DYSF: variants seen among roughly 807,000 people sequenced by gnomAD.
DYSF encodes the protein dysferlin, also known as dystrophy-associated fer-1-like 1.
DYSF carries 212 observed loss-of-function variants against 274.9 expected under a neutral mutation model. The observed-to-expected ratio is 0.77, with a 90% confidence interval of 0.69 to 0.86. The LOEUF (loss-of-function observed/expected upper bound fraction) is 0.86, where lower values mean the gene tolerates loss of function less well. Ranked by LOEUF, DYSF falls within the 40% of genes least tolerant of loss-of-function variation. DYSF has a pLI of 0.00. For missense variants in DYSF, 2,666 were observed against 2,783.2 expected (o/e 0.96, Z 0.95); for synonymous variants, 1,091 against 1,078.7 (o/e 1.01, Z -0.22).
chr2:71,635,842 C>G (rs2094394443), intron 41 of DYSF, among the ~76,000 whole-genome samples: 1 of 151,322 alleles, frequency 6.6e-6, no homozygotes, highest in African/African-American at 2.4e-5. Context: ...AATATTAATA[C>G]CCACGTAAAA....
At chr2:71,686,183 G>T (rs2152976187) in intron 55 of DYSF, among the ~76,000 whole-genome samples, 1 of 152,338 alleles carries the variant, frequency 6.6e-6, no homozygotes, top group East Asian at 1.9e-4. Context: ...CCCCCAGGTG[G>T]GAGGGTGCGG....
intron 13 of DYSF, 79 bp downstream of exon 13, chr2:71,526,425 C>A (rs1214282499): frequency 8.3e-6 from 3 of 360,034 alleles, no homozygotes; most frequent in Admixed American, 3.5e-5. Flanking sequence ...CGATGGCGGG[C>A]GGGGTCAGCT....
intron 51 of DYSF, among the ~76,000 whole-genome samples, chr2:71,672,469 G>C (rs2095142809): frequency 6.6e-6 from 1 of 152,188 alleles, no homozygotes; most frequent in Non-Finnish European, 1.5e-5. Context: ...AAAGTACAAG[G>C]TCTCCTTTCA....
At chr2:71,534,832 T>C (rs114315703) in intron 14 of DYSF, among the ~76,000 whole-genome samples, 189 bp from the exon 15 acceptor site, 2 of 152,250 alleles carry the variant, frequency 1.3e-5, no homozygotes, top group Non-Finnish European at 2.9e-5. Flanking sequence ...TGACCTTCCA[T>C]TGAGCTTTGT....
intron 55 of DYSF, among the ~76,000 whole-genome samples, chr2:71,684,692 TAGAAAC>T (rs2095335038): frequency 1.3e-5 from 2 of 152,160 alleles, no homozygotes; most frequent in Non-Finnish European, 2.9e-5. Flanking sequence ...GGGAACTCAC[TAGAAAC>T]TCAGAGTCCC....
rs1168378406 is a variant in DYSF, at chr2:71,611,705, T to C, written c.4221+79T>C. Reference sequence around the variant, plus strand: ...ACATGTCCCCGAGCAGCCTGGGGCTTGTGCTCCAATTCCCTGCGGGATCCA... The same window carrying C: ...ACATGTCCCCGAGCAGCCTGGGGCTCGTGCTCCAATTCCCTGCGGGATCCA... On this transcript the variant is annotated intron_variant, in intron 38 of 55. Transcript: ENST00000410020. The C allele has an allele frequency of 2.0e-6, 3 of 1,532,346 alleles. No individual in the cohort carries two copies. The East Asian group carries it at 7.1e-5, about 36-fold the overall frequency. 94.9% of individuals were successfully genotyped at this position (1,532,346 alleles called of 1,614,324 possible). A position where few individuals can be genotyped will look rare whatever the true frequency, so the allele number is the denominator to read the frequency against.
chr2:71,600,614 A>C, intron 33 of DYSF, 88 bp from the exon 34 acceptor site: 1 of 1,592,422 alleles, frequency 6.3e-7, no homozygotes, highest in Non-Finnish European at 8.6e-7. Context: ...TTTCTAGTTC[A>C]GAAGGCACAT....
In DYSF at chr2:71,535,098, C is replaced by T. The variant is rs2089175621; in HGVS notation, c.1449+9C>T. 1 of 1,614,132 alleles carries T rather than the reference C, an allele frequency of 6.2e-7. No individual in the cohort carries two copies. The highest frequency in any genetic ancestry group is 2.2e-5 in the East Asian group (1 of 44,862). ...TCACACTGCCTGCCATGGTGAGCCT[C>T]CTGCCCCCAGCAAACCCAAGGAGGC... On this transcript the variant is annotated intron_variant, in intron 15 of 55. Transcript: ENST00000410020.
intron 40 of DYSF, among the ~76,000 whole-genome samples, chr2:71,616,208 C>T (rs2093880015): frequency 6.6e-6 from 1 of 152,046 alleles, no homozygotes; most frequent in East Asian, 1.9e-4. Context: ...GTGGCCAATT[C>T]TGGAGGTGAC....
At chr2:71,626,316 TC>T (rs1048458523) in intron 41 of DYSF, among the ~76,000 whole-genome samples, 51 of 150,050 alleles carry the variant, frequency 3.4e-4, no homozygotes, top group African/African-American at 1.1e-3. Flanking sequence ...CTGTTTTTTT[TC>T]ATGAATGTTG....
rs78668319 is a variant in DYSF, at chr2:71,612,922, G to A, written c.4387+116G>A. On this transcript the variant is annotated intron_variant, in intron 39 of 55. Coordinates refer to ENST00000410020, the MANE Select transcript of DYSF (RefSeq NM_001130987.2). The stretch of plus-strand genomic sequence containing the variant: ...TCTCTTACGGAGACCTGAATGAGAA[G>A]TGGTTTCTGCTCTGCTAGACCACAG... 6.4e-5 allele frequency: 85 copies of A among 1,338,338 alleles called. 1 individual carries two copies. In the South Asian group the frequency reaches 9.4e-4, roughly 15 times the overall value. 82.9% of individuals were successfully genotyped at this position (1,338,338 alleles called of 1,614,324 possible). A position where few individuals can be genotyped will look rare whatever the true frequency, so the allele number is the denominator to read the frequency against.
intron 13 of DYSF, 69 bp downstream of exon 13, chr2:71,526,415 C>CGGGGGGGGGGGGGGGG: frequency 2.4e-6 from 1 of 411,246 alleles, no homozygotes; most frequent in Non-Finnish European, 3.9e-6. Context: ...TGGGGGTGGG[C>CGGGGGGGGGGGGGGGG]GATGGCGGGC....
Position 71,455,218 on chromosome 2 carries a change from G to A in DYSF, c.88+1132G>A, listed in dbSNP as rs185391080. Among the ~76,000 whole-genome samples the A allele has an allele frequency of 1.1e-3, 174 of 152,268 alleles. 1 individual carries two copies. The highest frequency in any genetic ancestry group is 3.9e-3 in the African/African-American group (160 of 41,540). ...TGATGTTCCAAGGAATAAAAGCTCC[G>A]AAAGCACAGGCCTGTGTCCAGCTCA... On this transcript the variant is annotated intron_variant, in intron 1 of 54. Coordinates refer to the DYSF transcript ENST00000258104.
In DYSF at chr2:71,611,333, G is replaced by C. The variant is rs61742872; in HGVS notation, c.4046G>C (p.Arg1349Pro). ...VPQNIKPALQRTAIEILAWGL... is the reference protein window; with the variant it reads ...VPQNIKPALQPTAIEILAWGL... ...CAGAACATCAAGCCAGCGCTCCAGC[G>C]TACCGCCATCGAGGTGAGCCGTCCG... Residue 1349 changes from arginine to proline, a missense_variant, in exon 37 of 56, where the codon CGT (arginine) becomes CCT (proline). Physicochemically the swap from Arg to Pro is moderately radical, Grantham distance 103 (BLOSUM62 -2). Coordinates refer to ENST00000410020, the MANE Select transcript of DYSF (RefSeq NM_001130987.2). 1 of 1,613,874 alleles carries C rather than the reference G, an allele frequency of 6.2e-7. No individual in the cohort carries two copies. The highest frequency in any genetic ancestry group is 1.7e-5 in the Admixed American group (1 of 60,016).
intron 41 of DYSF, among the ~76,000 whole-genome samples, chr2:71,638,126 A>T (rs2094434366): frequency 1.3e-5 from 2 of 152,162 alleles, no homozygotes; most frequent in African/African-American, 4.8e-5. Flanking sequence ...TTAAAAAAAA[A>T]AAATTGAACT....
At chr2:71,558,855 A>G (rs2091521077) in intron 22 of DYSF, among the ~76,000 whole-genome samples, 1 of 152,106 alleles carries the variant, frequency 6.6e-6, no homozygotes, top group Admixed American at 6.5e-5. Flanking sequence ...CAATTCGCTC[A>G]GCTCCACCTG....
At chr2:71,665,503 A>G (rs879347785) in intron 47 of DYSF, among the ~76,000 whole-genome samples, 199 bp downstream of exon 47, 5 of 152,114 alleles carry the variant, frequency 3.3e-5, no homozygotes, top group Admixed American at 3.3e-4. Flanking sequence ...TGCCACTGTG[A>G]AAATTAGAGG....
rs748982404 is a variant in DYSF, at chr2:71,658,997, A to G, written c.4875A>G (p.Arg1625=). 6.2e-7 allele frequency: 1 copy of G among 1,614,046 alleles called. No individual in the cohort carries two copies. Among genetic ancestry groups the G allele is most frequent in the Non-Finnish European group, 8.5e-7 (1 of 1,179,994 alleles). ...GCTTGGTCCGTATCTACATTGTCCGAGCATTTGGCCTGCAGCCCAAGGACC... is the reference window on the plus strand; with the variant it reads ...GCTTGGTCCGTATCTACATTGTCCGGGCATTTGGCCTGCAGCCCAAGGACC... ...QECLVRIYIV[R]AFGLQPKDPN... Residue 1625 remains arginine (R), a synonymous_variant, in exon 44 of 56, where the codon CGA becomes CGG. Coordinates refer to ENST00000410020, the MANE Select transcript of DYSF (RefSeq NM_001130987.2).
Position 71,526,215 on chromosome 2 carries a change from T to C in DYSF, c.1150-5T>C. The C allele has an allele frequency of 6.2e-7, 1 of 1,614,254 alleles. No homozygotes were observed. ...TGAAGGAATCGTATTTGGTTTTCTT[T>C]GTAGCTGGAGAGAAAAGACCCCTCT... On this transcript the variant is annotated splice_region_variant and splice_polypyrimidine_tract_variant and intron_variant, in intron 12 of 55. Coordinates refer to ENST00000410020, the MANE Select transcript of DYSF (RefSeq NM_001130987.2).
Sources: allele counts gnomAD v4.1 joint callset (sites outside exome capture counted in the v4.1 genomes callset), GRCh38; gene constraint gnomAD v4.1.1; transcripts MANE v1.5; gene names NCBI Gene and HGNC (gene_info 2026-07-23, HGNC 2026-07-21).